The following GRID2 variants were observed in gnomAD, a reference collection of about 807,000 sequenced individuals.
GRID2 encodes the protein glutamate ionotropic receptor delta type subunit 2, also known as glutamate receptor ionotropic, delta-2.
Under a neutral mutation model 114.8 loss-of-function variants are expected in GRID2, and 33 were observed. That is an observed-to-expected ratio of 0.29 (90% CI 0.22 to 0.38). The LOEUF (loss-of-function observed/expected upper bound fraction) is 0.38, where lower values mean the gene tolerates loss of function less well. GRID2 is among the 10% of genes least tolerant of loss of function. GRID2 has a pLI of 1.00. For missense variants in GRID2, 1,184 were observed against 1,257.7 expected (o/e 0.94, Z 0.89); for synonymous variants, 505 against 449.9 (o/e 1.12, Z -1.55).
chr4:92,407,207 C>G (rs1436056684), intron 1 of GRID2, among the ~76,000 whole-genome samples: 2 of 152,094 alleles, frequency 1.3e-5, no homozygotes, highest in Non-Finnish European at 2.9e-5. Flanking sequence ...CCCACCAGGT[C>G]CCTTCCTCAA....
chr4:92,986,784 T>C (rs1754533644), intron 2 of GRID2, among the ~76,000 whole-genome samples: 2 of 152,150 alleles, frequency 1.3e-5, no homozygotes, highest in South Asian at 4.1e-4. Flanking sequence ...TAAAATAATT[T>C]ATATTTTTAA....
intron 2 of GRID2, among the ~76,000 whole-genome samples, chr4:92,761,382 A>G (rs1231487393): frequency 6.6e-6 from 1 of 152,204 alleles, no homozygotes; most frequent in Non-Finnish European, 1.5e-5. Flanking sequence ...ACCAAATTTC[A>G]GTTCTGTGCT....
chr4:92,356,935 A>G (rs1419278713), intron 1 of GRID2, among the ~76,000 whole-genome samples: 1 of 151,840 alleles, frequency 6.6e-6, no homozygotes, highest in African/African-American at 2.4e-5. Context: ...TGATCTAGCA[A>G]GGTTGGAATA....
At position 93,363,694 on chromosome 4, in the gene GRID2, G is replaced by C. The variant is rs148799869; in HGVS notation, c.1246-31913G>C. ...GAATCTGTTTAAGTTGATTTAACATGTACTTAAATTAATATACCTTAATTA... is the reference window on the plus strand; with the variant it reads ...GAATCTGTTTAAGTTGATTTAACATCTACTTAAATTAATATACCTTAATTA... On this transcript the variant is annotated intron_variant, in intron 8 of 15. Coordinates refer to ENST00000282020, the MANE Select transcript of GRID2 (RefSeq NM_001510.4). 2.6e-3 allele frequency among the ~76,000 whole-genome samples: 388 copies of C among 152,020 alleles called. 2 individuals carry two copies. Among genetic ancestry groups the C allele is most frequent in the African/African-American group, 8.6e-3 (355 of 41,504 alleles).
intron 2 of GRID2, among the ~76,000 whole-genome samples, chr4:93,023,131 A>ATG (rs57903930): frequency 0.013 from 1,859 of 138,886 alleles, 45 homozygotes; most frequent in African/African-American, 0.045. Context: ...GTGTGTATGT[A>ATG]TGTGTGTGTG....
rs79791060 is a variant in GRID2 at position 93,103,853 on chromosome 4, G to A, written c.530-6895G>A. 2.3e-5 allele frequency among the ~76,000 whole-genome samples: 3 copies of A among 132,340 alleles called. No individual in the cohort carries two copies. In the Admixed American group the frequency reaches 2.3e-4, roughly 10 times the overall value. 86.8% of individuals were successfully genotyped at this position (132,340 alleles called of 152,430 possible). On this transcript the variant is annotated intron_variant, in intron 3 of 15. Transcript: ENST00000282020. The stretch of plus-strand genomic sequence containing the variant: ...AGAAAATCCCTTGTTTTTTTTTTTT[G>A]TTTGTTTTTTTCCTGAGCGTTTCTG...
intron 4 of GRID2, among the ~76,000 whole-genome samples, chr4:93,112,411 C>T (rs1732856433): frequency 6.6e-6 from 1 of 152,014 alleles, no homozygotes; most frequent in Admixed American, 6.6e-5. Context: ...GCGGTTTCCC[C>T]CATGCTGTTC....
chr4:92,502,248 A>C (rs1467715986), intron 1 of GRID2, among the ~76,000 whole-genome samples: 2 of 152,158 alleles, frequency 1.3e-5, no homozygotes, highest in Non-Finnish European at 2.9e-5. Flanking sequence ...GTTAGAAAGA[A>C]AAACATCATC....
At chr4:92,959,846 G>T (rs1044506642) in intron 2 of GRID2, among the ~76,000 whole-genome samples, 21 of 151,942 alleles carry the variant, frequency 1.4e-4, no homozygotes, top group African/African-American at 4.6e-4. Flanking sequence ...TCACACTGGG[G>T]CCTATTGGGG....
rs985213054 is a variant in GRID2 at position 92,936,882 on chromosome 4, A to T, written c.245-148113A>T. ...AATTTTGTTTTTTATTATAGCCCCC[A>T]TAGTTGGTATGAAGTGATATGTTCT... On this transcript the variant is annotated intron_variant, in intron 2 of 15. Coordinates refer to ENST00000282020, the MANE Select transcript of GRID2 (RefSeq NM_001510.4). Among the ~76,000 whole-genome samples, 4 of 146,734 alleles carry T rather than the reference A, an allele frequency of 2.7e-5. 1 individual carries two copies. In the South Asian group the frequency reaches 9.1e-4, roughly 33 times the overall value.
chr4:93,714,013 G>T (rs1578639555), intron 14 of GRID2, among the ~76,000 whole-genome samples: 1 of 151,996 alleles, frequency 6.6e-6, no homozygotes, highest in Admixed American at 6.6e-5. Context: ...GTGCCATGGT[G>T]GTTTGCTACA....
intron 2 of GRID2, among the ~76,000 whole-genome samples, chr4:93,073,968 A>C (rs182888714): frequency 6.6e-6 from 1 of 152,340 alleles, no homozygotes; most frequent in East Asian, 1.9e-4. Context: ...GATGTCTACC[A>C]CAGGGGAAGG....
chr4:92,910,605 A>G (rs995520287), intron 2 of GRID2, among the ~76,000 whole-genome samples: 4 of 152,078 alleles, frequency 2.6e-5, no homozygotes, highest in African/African-American at 9.7e-5. Context: ...TACAATGAGA[A>G]TTTTCAAAAG....
chr4:93,492,890 G>A (rs1446725251), intron 12 of GRID2, among the ~76,000 whole-genome samples: 2 of 151,578 alleles, frequency 1.3e-5, no homozygotes, highest in African/African-American at 2.4e-5. Context: ...CCCTTTGACC[G>A]ACATCTCCAC....
intron 1 of GRID2, among the ~76,000 whole-genome samples, chr4:92,420,828 G>T (rs1282900851): frequency 2.6e-5 from 4 of 152,118 alleles, no homozygotes; most frequent in African/African-American, 9.7e-5. Context: ...GGGATTACAG[G>T]CACGTGCCAT....
intron 2 of GRID2, among the ~76,000 whole-genome samples, chr4:92,693,595 C>G (rs1362412770): frequency 6.6e-6 from 1 of 152,148 alleles, no homozygotes; most frequent in African/African-American, 2.4e-5. Context: ...TGACTATATT[C>G]CCATCTTAAG....
At chr4:92,751,373 C>G (rs1737448692) in intron 2 of GRID2, among the ~76,000 whole-genome samples, 1 of 151,978 alleles carries the variant, frequency 6.6e-6, no homozygotes, top group South Asian at 2.1e-4. Flanking sequence ...AGGCAATAAT[C>G]AAAACACATT....
At chr4:93,333,716 A>G (rs1758736796) in intron 8 of GRID2, among the ~76,000 whole-genome samples, 1 of 152,172 alleles carries the variant, frequency 6.6e-6, no homozygotes, top group Non-Finnish European at 1.5e-5. Flanking sequence ...AGATCTTATT[A>G]TTCACCTGGA....
rs72872713 is a variant in GRID2 at position 93,214,125 on chromosome 4, T to G, written c.790-2613T>G. Among the ~76,000 whole-genome samples the G allele has an allele frequency of 2.6e-3, 391 of 152,194 alleles. 4 individuals carry two copies. The highest frequency in any genetic ancestry group is 8.9e-3 in the African/African-American group (372 of 41,570). Reference sequence around the variant, plus strand: ...TAAATTACTTAGAGCTCAGGAATACTCTATATCTTTTAAAAGATTAAGATA... The same window carrying G: ...TAAATTACTTAGAGCTCAGGAATACGCTATATCTTTTAAAAGATTAAGATA... On this transcript the variant is annotated intron_variant, in intron 5 of 15. Transcript: ENST00000282020.
Sources: gnomAD v4.1 joint callset for allele counts (sites outside exome capture counted in the v4.1 genomes callset) on GRCh38, gnomAD v4.1.1 for gene constraint, MANE v1.5 for transcripts, NCBI Gene and HGNC (gene_info 2026-07-23, HGNC 2026-07-21) for gene names.